NXPH1: variants seen among roughly 807,000 people sequenced by gnomAD.
NXPH1 encodes neurexophilin 1, also known as neurexophilin-1.
In NXPH1, 5 loss-of-function variants were observed where a neutral mutation model predicts 23.7. The observed-to-expected ratio is 0.21, with a 90% confidence interval of 0.11 to 0.44. The LOEUF (loss-of-function observed/expected upper bound fraction) is 0.44, where lower values mean the gene tolerates loss of function less well. Ranked by LOEUF, NXPH1 falls within the 20% of genes least tolerant of loss-of-function variation. The pLI is 0.99. For missense variants in NXPH1, 324 were observed against 321.6 expected (o/e 1.01, Z -0.06); for synonymous variants, 144 against 122.2 (o/e 1.18, Z -1.18).
chr7:8,529,580 C>G (rs892842787), intron 2 of NXPH1, among the ~76,000 whole-genome samples: 20 of 152,114 alleles, frequency 1.3e-4, no homozygotes, highest in African/African-American at 4.8e-4. Flanking sequence ...GATCAGGCAG[C>G]CTGCATTCAA....
chr7:8,715,989 A>T (rs896208506), intron 2 of NXPH1, among the ~76,000 whole-genome samples: 1 of 152,160 alleles, frequency 6.6e-6, no homozygotes, highest in East Asian at 1.9e-4. Flanking sequence ...GAATATACAT[A>T]TATGTGTACA....
chr7:8,502,586 G>T (rs79395003), intron 2 of NXPH1, among the ~76,000 whole-genome samples: 9,935 of 151,794 alleles, frequency 0.065, 450 homozygotes, highest in Middle Eastern at 0.14. Context: ...GGAGTAATGA[G>T]GGATTGGCTA....
rs114259284 is a variant in NXPH1 at position 8,626,643 on chromosome 7, T to G, written c.55-124365T>G. Among the ~76,000 whole-genome samples the G allele has an allele frequency of 2.9e-3, 440 of 152,224 alleles. 3 individuals are homozygous for G. The highest frequency in any genetic ancestry group is 1.0e-2 in the African/African-American group (414 of 41,552). ...AGTCAGGTCATATGAAATCAAAGTG[T>G]TCTTTAATTGTCCATTTTGCACATT... On this transcript the variant is annotated intron_variant, in intron 2 of 2. Transcript: ENST00000405863.
chr7:8,734,548 C>T (rs940326051), intron 2 of NXPH1, among the ~76,000 whole-genome samples: 2 of 152,110 alleles, frequency 1.3e-5, no homozygotes, highest in East Asian at 1.9e-4. Flanking sequence ...CTCTTATTTC[C>T]TTGAGCAGTG....
Position 8,435,428 on chromosome 7 carries a change from G to T in NXPH1, c.-110-176G>T, listed in dbSNP as rs140234510. The stretch of plus-strand genomic sequence containing the variant: ...TCCGCCCGCCCGCCTCCCCAGCTGC[G>T]GACCGCGCGCTTGCTGGTCTCAGGC... On this transcript the variant is annotated intron_variant, in intron 1 of 2. Coordinates refer to ENST00000405863, the MANE Select transcript of NXPH1 (RefSeq NM_152745.3). This position sits in a 1 kb window ranked among gnomAD's most constrained non-coding sequence, Gnocchi z 5.9. 8.8e-4 allele frequency: 442 copies of T among 505,060 alleles called. No individual in the cohort carries two copies. The highest frequency in any genetic ancestry group is 7.8e-3 in the African/African-American group (402 of 51,356). The allele number at this position is 505,060 out of a possible 1,614,324, so 31.3% of individuals were successfully genotyped here. A position where few individuals can be genotyped will look rare whatever the true frequency, so the allele number is the denominator to read the frequency against.
intron 2 of NXPH1, among the ~76,000 whole-genome samples, chr7:8,677,816 G>T (rs1212434353): frequency 2.2e-5 from 2 of 92,910 alleles, no homozygotes; most frequent in Admixed American, 1.3e-4. Flanking sequence ...ATAAATTGAA[G>T]TTTATTTGAA....
intron 2 of NXPH1, among the ~76,000 whole-genome samples, chr7:8,625,119 T>A (rs993733074): frequency 6.6e-6 from 1 of 152,170 alleles, no homozygotes; most frequent in African/African-American, 2.4e-5. Flanking sequence ...AGAGTCCCTA[T>A]GTAGAAATAG....
At chr7:8,482,452 G>A (rs1483281908) in intron 2 of NXPH1, among the ~76,000 whole-genome samples, 1 of 152,168 alleles carries the variant, frequency 6.6e-6, no homozygotes, top group South Asian at 2.1e-4. Context: ...GGAGTCTTTA[G>A]GTTCTCTTTT....
chr7:8,676,762 A>G (rs1430470111), intron 2 of NXPH1, among the ~76,000 whole-genome samples: 1 of 152,182 alleles, frequency 6.6e-6, no homozygotes, highest in Non-Finnish European at 1.5e-5. Context: ...ATTATGACAC[A>G]GGGCTTAAAG....
chr7:8,687,468 G>A (rs1307978387), intron 2 of NXPH1, among the ~76,000 whole-genome samples: 2 of 152,126 alleles, frequency 1.3e-5, no homozygotes, highest in African/African-American at 4.8e-5. Flanking sequence ...TGGGAAAAAT[G>A]TTATATTAAA....
intron 2 of NXPH1, among the ~76,000 whole-genome samples, chr7:8,479,585 C>T (rs1817037511): frequency 6.6e-6 from 1 of 152,110 alleles, no homozygotes; most frequent in Admixed American, 6.6e-5. Flanking sequence ...CTCCTAGCAT[C>T]CAGATCGTGG....
intron 2 of NXPH1, among the ~76,000 whole-genome samples, chr7:8,546,489 C>A (rs1818199507): frequency 6.6e-6 from 1 of 151,360 alleles, no homozygotes; most frequent in African/African-American, 2.4e-5. Context: ...CTTAGAGTCA[C>A]TGAGTGTTCT....
chr7:8,542,956 T>G (rs574803891), intron 2 of NXPH1, among the ~76,000 whole-genome samples: 1 of 151,628 alleles, frequency 6.6e-6, no homozygotes, highest in Non-Finnish European at 1.5e-5. Flanking sequence ...CGTAATTTTA[T>G]TTTCTCTTTG....
intron 2 of NXPH1, among the ~76,000 whole-genome samples, chr7:8,623,341 C>G (rs1385703367): frequency 2.0e-5 from 3 of 152,054 alleles, no homozygotes; most frequent in African/African-American, 7.2e-5. Context: ...GTGATTGGAA[C>G]AGGTCAGGTC....
chr7:8,625,512 C>T (rs547907840), intron 2 of NXPH1, among the ~76,000 whole-genome samples: 3 of 152,220 alleles, frequency 2.0e-5, no homozygotes, highest in East Asian at 1.9e-4. Flanking sequence ...TTAACCCCTG[C>T]CAAAGCTCTC....
chr7:8,577,679 C>T (rs191759746), intron 2 of NXPH1, among the ~76,000 whole-genome samples: 42 of 152,230 alleles, frequency 2.8e-4, no homozygotes, highest in African/African-American at 9.4e-4. Flanking sequence ...TGCTCCTTAC[C>T]GCCTGATACT....
intron 2 of NXPH1, among the ~76,000 whole-genome samples, chr7:8,458,209 A>G (rs1816633510): frequency 6.6e-6 from 1 of 152,168 alleles, no homozygotes; most frequent in Non-Finnish European, 1.5e-5. Context: ...TTGCAAAGAG[A>G]CGTGGAGAAT....
chr7:8,595,029 C>G (rs1039677439), intron 2 of NXPH1, among the ~76,000 whole-genome samples: 2 of 152,092 alleles, frequency 1.3e-5, no homozygotes, highest in African/African-American at 4.8e-5. Flanking sequence ...GAAGTTACAG[C>G]TTCTACACTA....
intron 2 of NXPH1, among the ~76,000 whole-genome samples, chr7:8,707,915 ATTAC>A (rs967996175): frequency 2.0e-5 from 3 of 152,136 alleles, no homozygotes; most frequent in African/African-American, 7.2e-5. Flanking sequence ...ATATAGTTTA[ATTAC>A]TTAAATAATG....
Sources: allele counts gnomAD v4.1 joint callset (sites outside exome capture counted in the v4.1 genomes callset), GRCh38; gene constraint gnomAD v4.1.1; non-coding constraint Gnocchi (gnomAD v3.1); transcripts MANE v1.5; gene names NCBI Gene and HGNC (gene_info 2026-07-23, HGNC 2026-07-21).